RYR2: variants seen among roughly 807,000 people sequenced by gnomAD.
RYR2 encodes the protein cardiac muscle ryanodine receptor-calcium release channel.
RYR2 carries 227 observed loss-of-function variants against 601.1 expected under a neutral mutation model. The observed-to-expected ratio is 0.38, with a 90% CI of 0.34 to 0.42. The LOEUF (loss-of-function observed/expected upper bound fraction) is 0.42, where lower values mean the gene tolerates loss of function less well. Ranked by LOEUF, RYR2 falls within the 10% of genes least tolerant of loss-of-function variation. RYR2 has a pLI of 1.00. For synonymous variants in RYR2, 2,223 were observed against 2,175.1 expected (o/e 1.02, Z -0.61); for missense variants, 4,646 against 6,156.5 (o/e 0.75, Z 8.21).
rs148104912 is a variant in RYR2 at position 237,167,119 on chromosome 1, A to G, written c.49-103378A>G. ...GATTTTGAAAGCCGTGCTTTGTTGA[A>G]TATTTGATGAAACCGACTGCAGAGA... On this transcript the variant is annotated intron_variant, in intron 1 of 104. Transcript: ENST00000366574. Among the ~76,000 whole-genome samples, 4 of 152,336 alleles carry G rather than the reference A, an allele frequency of 2.6e-5. No homozygotes were observed. In the East Asian group the frequency reaches 7.7e-4, roughly 29 times the overall value.
chr1:237,716,127 A>G (rs1689246191), intron 71 of RYR2, among the ~76,000 whole-genome samples: 1 of 152,086 alleles, frequency 6.6e-6, no homozygotes, highest in Admixed American at 6.5e-5. Flanking sequence ...TAATTATTAC[A>G]TAATTGTATA....
chr1:237,442,566 A>C (rs1708005658), intron 13 of RYR2, among the ~76,000 whole-genome samples: 1 of 152,140 alleles, frequency 6.6e-6, no homozygotes, highest in Non-Finnish European at 1.5e-5. Context: ...CTGTTATCTC[A>C]ATAATATCTT....
intron 77 of RYR2, 45 bp downstream of exon 77, chr1:237,730,401 G>A: frequency 9.5e-7 from 1 of 1,052,854 alleles, no homozygotes; most frequent in Non-Finnish European, 1.5e-6. Flanking sequence ...GTCTAGGCTT[G>A]GTGCAGCAAT....
intron 16 of RYR2, among the ~76,000 whole-genome samples, chr1:237,458,840 G>A (rs1039224803): frequency 2.6e-5 from 4 of 152,022 alleles, no homozygotes; most frequent in Non-Finnish European, 5.9e-5. Flanking sequence ...AAAATTTATA[G>A]AGTCATAATA....
chr1:237,265,472 C>G (rs1372907888), intron 1 of RYR2, among the ~76,000 whole-genome samples: 1 of 152,056 alleles, frequency 6.6e-6, no homozygotes, highest in Non-Finnish European at 1.5e-5. Flanking sequence ...CATGTGCACA[C>G]TACCACACCC....
At chr1:237,335,623 C>G (rs1697177592) in intron 3 of RYR2, among the ~76,000 whole-genome samples, 1 of 152,054 alleles carries the variant, frequency 6.6e-6, no homozygotes, top group African/African-American at 2.4e-5. Context: ...GATTGTAGGA[C>G]CCTGTCCTTT....
intron 41 of RYR2, 32 bp from the exon 42 acceptor site, chr1:237,631,395 G>A: frequency 7.2e-7 from 1 of 1,389,280 alleles, no homozygotes; most frequent in South Asian, 1.2e-5. Context: ...GTTGCTCTGA[G>A]CTTTACCCCA....
chr1:237,659,931 A>G (rs1683610119), intron 54 of RYR2, 54 bp from the exon 55 acceptor site: 1 of 1,198,768 alleles, frequency 8.3e-7, no homozygotes, highest in African/African-American at 1.6e-5. Context: ...GCATATCTAC[A>G]ATCTCTAAAA....
At chr1:237,345,074 G>T (rs915013480) in intron 3 of RYR2, among the ~76,000 whole-genome samples, 3 of 152,150 alleles carry the variant, frequency 2.0e-5, no homozygotes, top group African/African-American at 7.2e-5. Context: ...CTCCCAAAGT[G>T]CTGGGATTAC....
At chr1:237,713,318 A>G (rs1688991666) in intron 71 of RYR2, among the ~76,000 whole-genome samples, 1 of 152,218 alleles carries the variant, frequency 6.6e-6, no homozygotes, top group Non-Finnish European at 1.5e-5. Context: ...GGGGAGTAAT[A>G]GATAAGAACC....
At chr1:237,792,008 C>A in intron 93 of RYR2, 97 bp from the exon 94 acceptor site, 2 of 854,974 alleles carry the variant, frequency 2.3e-6, no homozygotes, top group Admixed American at 2.2e-5. Flanking sequence ...ACTTCACATC[C>A]AACTATTTGC....
intron 38 of RYR2, among the ~76,000 whole-genome samples, chr1:237,622,382 CA>C (rs1679166703): frequency 6.6e-6 from 1 of 152,172 alleles, no homozygotes; most frequent in Non-Finnish European, 1.5e-5. Flanking sequence ...AATGATACCA[CA>C]AGTGGAAAAT....
chr1:237,182,357 T>C (rs1471860546), intron 1 of RYR2, among the ~76,000 whole-genome samples: 1 of 152,050 alleles, frequency 6.6e-6, no homozygotes, highest in Non-Finnish European at 1.5e-5. Flanking sequence ...CCTGACCTCG[T>C]GATCCACCTG....
At chr1:237,221,316 A>G (rs756040928) in intron 1 of RYR2, among the ~76,000 whole-genome samples, 2 of 152,198 alleles carry the variant, frequency 1.3e-5, no homozygotes, top group Non-Finnish European at 2.9e-5. Flanking sequence ...CCTCACTTCC[A>G]CTTGTTTAAG....
At chr1:237,458,642 T>A (rs1372593155) in intron 16 of RYR2, among the ~76,000 whole-genome samples, 1 of 151,948 alleles carries the variant, frequency 6.6e-6, no homozygotes, top group African/African-American at 2.4e-5. Flanking sequence ...GTCTGGCACA[T>A]AGGAGATACT....
In RYR2 at chr1:237,571,630, A is replaced by G. The variant is rs140057161; in HGVS notation, c.3598+2311A>G. On this transcript the variant is annotated intron_variant, in intron 29 of 104. Transcript: ENST00000366574. ...GCACCAGGCCTATTTCTAATAGTCT[A>G]TATAAATTTGTCACTGATCTTCAAA... Among the ~76,000 whole-genome samples the G allele has an allele frequency of 3.5e-4, 54 of 152,244 alleles. No individual in the cohort carries two copies. In the East Asian group the frequency reaches 4.8e-3, roughly 14 times the overall value.
At position 237,754,198 on chromosome 1, in the gene RYR2, T is replaced by C. The variant is rs75537289; in HGVS notation, c.11146-2090T>C. 6.9e-3 allele frequency among the ~76,000 whole-genome samples: 1,043 copies of C among 151,870 alleles called. 14 individuals carry two copies. Among genetic ancestry groups the C allele is most frequent in the African/African-American group, 0.024 (989 of 41,418 alleles). ...GACTTTCATCATCTTCCTCAAAACA[T>C]TGATTATTAAAATTTAGATGCGATG... is the stretch of plus-strand genomic sequence containing the variant. On this transcript the variant is annotated intron_variant, in intron 80 of 104. Transcript: ENST00000366574.
chr1:237,531,716 G>A lies in RYR2; in HGVS notation c.2906+1206G>A, dbSNP rs115490528. Among the ~76,000 whole-genome samples the A allele has an allele frequency of 8.9e-3, 1,359 of 152,224 alleles. 22 individuals carry two copies. Among genetic ancestry groups the A allele is most frequent in the African/African-American group, 0.031 (1,280 of 41,530 alleles). On this transcript the variant is annotated intron_variant, in intron 25 of 104. Transcript: ENST00000366574. ...TTTATAAAAACTGTATTGTTACCTC[G>A]TGCAGTTTTAGGTTCTAAAATTTTT...
intron 56 of RYR2, among the ~76,000 whole-genome samples, chr1:237,662,142 G>A (rs1332860561): frequency 1.3e-5 from 2 of 151,740 alleles, no homozygotes; most frequent in Non-Finnish European, 2.9e-5. Context: ...TTTGACCTTG[G>A]TCAAATTTTA....
Sources: gnomAD v4.1 joint callset for allele counts (sites outside exome capture counted in the v4.1 genomes callset) on GRCh38, gnomAD v4.1.1 for gene constraint, MANE v1.5 for transcripts, NCBI Gene and HGNC (gene_info 2026-07-23, HGNC 2026-07-21) for gene names.